The following WDPCP variants were observed in gnomAD, a reference collection of about 807,000 sequenced individuals.
WDPCP encodes the protein WD repeat containing planar cell polarity effector.
In WDPCP, 71 loss-of-function variants were observed where a neutral mutation model predicts 93.1. The observed-to-expected ratio is 0.76, with a 90% CI of 0.63 to 0.93. The LOEUF (loss-of-function observed/expected upper bound fraction) is 0.93. Ranked by LOEUF, WDPCP falls within the 40% of genes least tolerant of loss-of-function variation. The pLI is 0.00. For synonymous variants in WDPCP, 315 were observed against 315.0 expected (o/e 1.00, Z 0.00); for missense variants, 844 against 887.4 (o/e 0.95, Z 0.62).
At chr2:63,268,200 G>A (rs905019720) in intron 13 of WDPCP, among the ~76,000 whole-genome samples, 6 of 152,128 alleles carry the variant, frequency 3.9e-5, no homozygotes, top group Admixed American at 1.3e-4. Flanking sequence ...AGGACATTAT[G>A]CTAAGTGAAA....
At position 63,540,236 on chromosome 2, in the gene WDPCP, CTGTTT is replaced by C. The variant is rs1386170647; in HGVS notation, c.76-47301_76-47297del. Among the ~76,000 whole-genome samples, 21 of 152,242 alleles carry C rather than the reference CTGTTT, an allele frequency of 1.4e-4. No individual in the cohort carries two copies. In the South Asian group the frequency reaches 4.2e-3, roughly 30 times the overall value. On this transcript the variant is annotated intron_variant, in intron 1 of 17. Coordinates refer to ENST00000272321, the MANE Select transcript of WDPCP (RefSeq NM_015910.7). ...ATTCTTCTAAAACATCAAAATATTTCTGTTTTATTACTAGGTTATTTAAACTCATA... is the reference window on the plus strand; with the variant it reads ...ATTCTTCTAAAACATCAAAATATTTCTATTACTAGGTTATTTAAACTCATA...
intron 12 of WDPCP, among the ~76,000 whole-genome samples, chr2:63,354,238 C>A (rs753152029): frequency 1.3e-5 from 2 of 152,198 alleles, no homozygotes; most frequent in African/African-American, 2.4e-5. Context: ...CAGCACAGAC[C>A]TTCCATCCTG....
intron 1 of WDPCP, among the ~76,000 whole-genome samples, chr2:63,545,336 T>A (rs550028076): frequency 1.7e-4 from 26 of 148,612 alleles, no homozygotes; most frequent in African/African-American, 2.7e-4. Context: ...TGTGTGTGTG[T>A]GAGAGAGAGA....
intron 10 of WDPCP, among the ~76,000 whole-genome samples, chr2:63,402,812 C>T (rs1052941798): frequency 6.6e-6 from 1 of 152,172 alleles, no homozygotes; most frequent in Non-Finnish European, 1.5e-5. Flanking sequence ...AAAGGGAATG[C>T]TTATGCACTG....
At chr2:63,150,337 C>T (rs1172459593) in intron 17 of WDPCP, among the ~76,000 whole-genome samples, 1 of 152,136 alleles carries the variant, frequency 6.6e-6, no homozygotes, top group Non-Finnish European at 1.5e-5. Flanking sequence ...AGACATTTGG[C>T]AATGTCTGGA....
At chr2:63,640,100 C>T (rs2106634407) in intron 3 of WDPCP, among the ~76,000 whole-genome samples, 1 of 152,288 alleles carries the variant, frequency 6.6e-6, no homozygotes, top group South Asian at 2.1e-4. Flanking sequence ...GCTCCGCCTC[C>T]CAGGTTCACG....
rs1558832462 is a variant in WDPCP, at chr2:63,575,438, AGT to A, written c.75+12757_75+12758del. Among the ~76,000 whole-genome samples the A allele has an allele frequency of 1.7e-4, 16 of 96,962 alleles. 1 individual carries two copies. The highest frequency in any genetic ancestry group is 7.4e-4 in the African/African-American group (15 of 20,192). 63.6% of individuals were successfully genotyped at this position (96,962 alleles called of 152,430 possible). A position where few individuals can be genotyped will look rare whatever the true frequency, so the allele number is the denominator to read the frequency against. On this transcript the variant is annotated intron_variant, in intron 1 of 17. Transcript: ENST00000272321. ...TATACACTGTATACAGTGTATATAC[AGT>A]GTATACACTGTATATACAGTATATA... is the stretch of plus-strand genomic sequence containing the variant.
chr2:63,378,294 C>G (rs192429805), intron 12 of WDPCP, 92 bp downstream of exon 12: 2 of 1,551,350 alleles, frequency 1.3e-6, no homozygotes, highest in Non-Finnish European at 8.8e-7. Context: ...TTAGGAAACA[C>G]ATAGCCTTAC....
At chr2:63,492,099 A>G (rs13013630) in intron 2 of WDPCP, among the ~76,000 whole-genome samples, 29,872 of 152,188 alleles carry the variant, frequency 0.2, 3,119 homozygotes, top group Middle Eastern at 0.28. Flanking sequence ...TATCAAAGTC[A>G]TCCTTAATTC....
intron 17 of WDPCP, among the ~76,000 whole-genome samples, chr2:63,139,170 T>TACACACAC (rs143596446): frequency 1.5e-4 from 22 of 149,330 alleles, no homozygotes; most frequent in East Asian, 5.9e-4. Flanking sequence ...TATATGTGTA[T>TACACACAC]ACACACACAC....
At chr2:63,462,899 C>G (rs1006936796) in intron 6 of WDPCP, among the ~76,000 whole-genome samples, 12 of 152,192 alleles carry the variant, frequency 7.9e-5, no homozygotes, top group African/African-American at 2.9e-4. Context: ...TTTAAAGATA[C>G]TGTCTGAGCT....
chr2:63,798,889 C>T (rs983307538), intron 2 of WDPCP, among the ~76,000 whole-genome samples: 26 of 152,196 alleles, frequency 1.7e-4, no homozygotes, highest in African/African-American at 6.3e-4. Flanking sequence ...ACAATATATT[C>T]CATGCCAATT....
At chr2:63,646,604 C>T (rs745946749) in intron 3 of WDPCP, among the ~76,000 whole-genome samples, 6 of 152,024 alleles carry the variant, frequency 3.9e-5, no homozygotes, top group Admixed American at 6.5e-5. Flanking sequence ...TTAATGAAAT[C>T]CCTCAGCTTT....
intron 14 of WDPCP, among the ~76,000 whole-genome samples, chr2:63,232,212 T>G (rs1357833041): frequency 6.6e-6 from 1 of 152,198 alleles, no homozygotes; most frequent in Non-Finnish European, 1.5e-5. Context: ...ATGTTAGACC[T>G]AAAACCATAA....
At chr2:63,638,217 C>G (rs1709941221) in intron 3 of WDPCP, among the ~76,000 whole-genome samples, 1 of 152,084 alleles carries the variant, frequency 6.6e-6, no homozygotes, top group Non-Finnish European at 1.5e-5. Context: ...ATTTGAGGTT[C>G]TAATGTACAG....
the WDPCP span, among the ~76,000 whole-genome samples, chr2:63,836,159 A>T: frequency 6.6e-6 from 1 of 152,190 alleles, no homozygotes; most frequent in African/African-American, 2.4e-5. Flanking sequence ...CCAGCTGAGA[A>T]TCTTCTCTTT....
intron 13 of WDPCP, among the ~76,000 whole-genome samples, chr2:63,281,957 T>C (rs1683588310): frequency 6.6e-6 from 1 of 151,762 alleles, no homozygotes; most frequent in Non-Finnish European, 1.5e-5. Flanking sequence ...ACAACCTGTT[T>C]CCCTAAAACC....
intron 1 of WDPCP, among the ~76,000 whole-genome samples, chr2:63,542,062 A>G (rs994587314): frequency 6.6e-6 from 1 of 152,188 alleles, no homozygotes. Context: ...TAGTCATTAA[A>G]AGGATTATCC....
chr2:63,198,880 A>G (rs1366205498), intron 14 of WDPCP, among the ~76,000 whole-genome samples: 1 of 152,202 alleles, frequency 6.6e-6, no homozygotes, highest in Non-Finnish European at 1.5e-5. Context: ...AGAAGAAGAC[A>G]GGAAGATGAG....
Sources: gnomAD v4.1 joint callset for allele counts (sites outside exome capture counted in the v4.1 genomes callset) on GRCh38, gnomAD v4.1.1 for gene constraint, MANE v1.5 for transcripts, NCBI Gene and HGNC (gene_info 2026-07-23, HGNC 2026-07-21) for gene names.